The following NFS1 variants were observed in gnomAD, a reference collection of about 807,000 sequenced individuals.
NFS1 encodes the protein NFS1 cysteine desulfurase, also known as cysteine desulfurase.
A neutral mutation model predicts 57.3 loss-of-function variants in NFS1; 26 were observed. The ratio of observed to expected loss-of-function variants is 0.45; its 90% CI spans 0.33 to 0.63. The LOEUF (loss-of-function observed/expected upper bound fraction) is 0.63, where lower values mean the gene tolerates loss of function less well. Among genes scored for constraint, NFS1 ranks in the 20% least tolerant of loss-of-function variants. The pLI is 0.02. For missense variants in NFS1, 505 were observed against 605.8 expected, an observed-to-expected ratio of 0.83 and a Z score of 1.75; for synonymous variants, 209 against 216.3, an observed-to-expected ratio of 0.97 and a Z score of 0.30.
intron 12 of NFS1, among the ~76,000 whole-genome samples, chr20:35,671,640 A>C (rs1163312633): frequency 6.6e-6 from 1 of 151,922 alleles, no homozygotes; most frequent in African/African-American, 2.4e-5. Context: ...CTGTAATCCC[A>C]GCACTTTGGG....
chr20:35,672,969 C>T (rs993289401), intron 11 of NFS1, 125 bp from the exon 12 acceptor site: 1 of 628,626 alleles, frequency 1.6e-6, no homozygotes, highest in African/African-American at 1.9e-5. Context: ...GGTCCTTCCC[C>T]TTTAGGCAGA....
At position 35,680,877 on chromosome 20, in the gene NFS1, G is replaced by A; in HGVS notation, c.656-6C>T. On this transcript the variant is annotated splice_polypyrimidine_tract_variant and splice_region_variant and intron_variant, in intron 6 of 12. Transcript: ENST00000374092. ...TCTGGAACTGCAAATCCGCCCTGAG[G>A]AAACAGAGGGGAAGACCCACAGCAC... 6.7e-7 allele frequency: 1 copy of A among 1,497,036 alleles called. No individual in the cohort carries two copies. The highest frequency in any genetic ancestry group is 1.4e-5 in the South Asian group (1 of 71,224). 92.7% of individuals were successfully genotyped at this position (1,497,036 alleles called of 1,614,324 possible). A position where few individuals can be genotyped will look rare whatever the true frequency, so the allele number is the denominator to read the frequency against.
intron 4 of NFS1, 118 bp from the exon 5 acceptor site, chr20:35,690,683 A>C: frequency 2.2e-5 from 21 of 946,594 alleles, no homozygotes; most frequent in Non-Finnish European, 3.1e-5. Context: ...CAGTTCTCTC[A>C]TACCAACTGA....
chr20:35,698,538 C>T lies in NFS1; in HGVS notation c.150G>A (p.Pro50=), dbSNP rs550803416. ...GAGGTCGCAGCACTGGCCCCACCTC[C>T]GGGGCAGCGGCTGTATCTGCGGGAA... ...SAVPADTAAA[P]EVGPVLRPLY... Residue 50 remains proline (P), a synonymous_variant, in exon 2 of 13, where the codon CCG becomes CCA. Coordinates refer to ENST00000374092, the MANE Select transcript of NFS1 (RefSeq NM_021100.5). 3.7e-6 allele frequency: 6 copies of T among 1,613,824 alleles called. No homozygotes were observed. The African/African-American group carries it at 4.0e-5, about 11-fold the overall frequency.
At position 35,692,958 on chromosome 20, in the gene NFS1, C is replaced by T. The variant is rs566606045; in HGVS notation, c.409-2393G>A. On this transcript the variant is annotated intron_variant, in intron 4 of 12. Transcript: ENST00000374092. ...CAGAAGTTGTAGTAAGCCAAGATTA[C>T]GGCACTGCACTCCAGCCTGGGTGAC... 1.1e-4 allele frequency among the ~76,000 whole-genome samples: 16 copies of T among 150,524 alleles called. No individual in the cohort carries two copies. In the South Asian group the frequency reaches 1.3e-3, roughly 12 times the overall value.
chr20:35,695,675 C>A (rs2035120369), intron 4 of NFS1, among the ~76,000 whole-genome samples: 1 of 151,982 alleles, frequency 6.6e-6, no homozygotes, highest in Non-Finnish European at 1.5e-5. Flanking sequence ...TAGATCTGAT[C>A]AGAAAGAAAA....
chr20:35,682,381 C>G (rs1055500434), intron 5 of NFS1, among the ~76,000 whole-genome samples: 8 of 152,230 alleles, frequency 5.3e-5, no homozygotes, highest in Non-Finnish European at 7.3e-5. Context: ...CAGATTCCTT[C>G]AACAGACGAT....
chr20:35,684,748 C>T lies in NFS1; in HGVS notation c.562-2767G>A, dbSNP rs550324410. On this transcript the variant is annotated intron_variant, in intron 5 of 12. Coordinates refer to ENST00000374092, the MANE Select transcript of NFS1 (RefSeq NM_021100.5). ...CTGTGTGACAGAGCAAGACTCCCAT[C>T]TCAATAAAAAATAAATAAAAAATAA... Among the ~76,000 whole-genome samples the T allele has an allele frequency of 8.8e-4, 133 of 151,596 alleles. 4 individuals carry two copies. The highest frequency in any genetic ancestry group is 3.2e-3 in the African/African-American group (131 of 41,084).
Position 35,675,032 on chromosome 20 carries a change from G to A in NFS1, c.948+13C>T. On this transcript the variant is annotated intron_variant, in intron 8 of 12. Transcript: ENST00000374092. ...GGGGAAGAAGTTGTGGGAGGGAACT[G>A]CTCTCCCCATACCTCCATCTCTTGC... The A allele has an allele frequency of 6.2e-7, 1 of 1,613,860 alleles. No individual in the cohort carries two copies. The highest frequency in any genetic ancestry group is 8.5e-7 in the Non-Finnish European group (1 of 1,179,828).
At chr20:35,672,653 C>A (rs1012035130) in intron 12 of NFS1, 102 bp downstream of exon 12, 2 of 765,826 alleles carry the variant, frequency 2.6e-6, no homozygotes, top group Admixed American at 2.0e-5. Context: ...GATCCAAGTA[C>A]GCTTGAACTT....
At position 35,699,103 on chromosome 20, in the gene NFS1, G is replaced by A; in HGVS notation, c.97+89C>T. 1 of 1,353,272 alleles carries A rather than the reference G, an allele frequency of 7.4e-7. No homozygotes were observed. Among genetic ancestry groups the A allele is most frequent in the Non-Finnish European group, 9.5e-7 (1 of 1,057,938 alleles). The allele number at this position is 1,353,272 out of a possible 1,614,324, so 83.8% of individuals were successfully genotyped here. On this transcript the variant is annotated intron_variant, in intron 1 of 12. Coordinates refer to ENST00000374092, the MANE Select transcript of NFS1 (RefSeq NM_021100.5). This position sits in a 1 kb window ranked among gnomAD's most constrained non-coding sequence, Gnocchi z 4.4. ...AAGGGTCAGAGGGTCTGGGCAGCAG[G>A]GTGGACAGGAAGGCTCCGGAATATT...
intron 4 of NFS1, chr20:35,692,508 T>G (rs1421412825): frequency 1.7e-5 from 2 of 115,832 alleles, no homozygotes; most frequent in Non-Finnish European, 3.3e-5. Flanking sequence ...AAGACCAGCC[T>G]GAGCAACATC....
intron 12 of NFS1, among the ~76,000 whole-genome samples, chr20:35,670,205 G>C (rs1181410654): frequency 1.3e-5 from 2 of 152,158 alleles, no homozygotes; most frequent in African/African-American, 2.4e-5. Context: ...TTGGTATGCT[G>C]TACCCTTACC....
chr20:35,688,920 AAG>A (rs2034992473), intron 5 of NFS1, among the ~76,000 whole-genome samples: 1 of 152,186 alleles, frequency 6.6e-6, no homozygotes, highest in African/African-American at 2.4e-5. Flanking sequence ...TAAGATGAAA[AAG>A]AGAGGAAATA....
chr20:35,671,944 G>C (rs1302229046), intron 12 of NFS1, among the ~76,000 whole-genome samples: 1 of 150,462 alleles, frequency 6.6e-6, no homozygotes, highest in Non-Finnish European at 1.5e-5. Flanking sequence ...TAGTTCTTTA[G>C]TTTGTTGTTT....
intron 4 of NFS1, among the ~76,000 whole-genome samples, chr20:35,695,382 G>A (rs1248600162): frequency 6.6e-6 from 1 of 152,208 alleles, no homozygotes. Context: ...AGCAAGTGGA[G>A]CCAGAGTTCA....
At chr20:35,679,491 T>A (rs2034812220) in intron 7 of NFS1, among the ~76,000 whole-genome samples, 1 of 152,146 alleles carries the variant, frequency 6.6e-6, no homozygotes, top group African/African-American at 2.4e-5. Context: ...CCATGAGATG[T>A]TTTAATACAG....
At position 35,690,463 on chromosome 20, in the gene NFS1, A is replaced by G. The variant is rs767187029; in HGVS notation, c.511T>C (p.Phe171Leu). Residue 171 changes from phenylalanine to leucine, a missense_variant, in exon 5 of 13, where the codon TTT becomes CTT. Physicochemically the swap from Phe to Leu is conservative, Grantham distance 22. Coordinates refer to ENST00000374092, the MANE Select transcript of NFS1 (RefSeq NM_021100.5). The part of the protein sequence containing the change: ...DSCRSLEAEG[F>L]QVTYLPVQKS... ...TGCACTGGGAGGTAGGTGACCTGAA[A>G]GCCCTCAGCTTCCAGTGAACGGCAG... 9.9e-6 allele frequency: 16 copies of G among 1,613,850 alleles called. No individual in the cohort carries two copies. Among genetic ancestry groups the G allele is most frequent in the African/African-American group, 2.7e-5 (2 of 74,886 alleles).
At chr20:35,687,964 C>A (rs1365706534) in intron 5 of NFS1, among the ~76,000 whole-genome samples, 2 of 152,168 alleles carry the variant, frequency 1.3e-5, no homozygotes, top group African/African-American at 4.8e-5. Flanking sequence ...AGCAGGCTGG[C>A]CAGGCACAGT....
Sources: gnomAD v4.1 joint callset for allele counts (sites outside exome capture counted in the v4.1 genomes callset) on GRCh38, gnomAD v4.1.1 for gene constraint, Gnocchi (gnomAD v3.1) non-coding constraint, MANE v1.5 for transcripts, NCBI Gene and HGNC (gene_info 2026-07-23, HGNC 2026-07-21) for gene names.